The following ANKRD9 variants were observed in gnomAD, a reference collection of about 807,000 sequenced individuals.
ANKRD9 encodes the protein ankyrin repeat domain-containing protein 9.
ANKRD9 carries 13 observed loss-of-function variants against 19.2 expected under a neutral mutation model. The observed-to-expected ratio is 0.68, with a 90% CI of 0.44 to 1.08. The LOEUF is 1.08. Ranked by LOEUF, ANKRD9 falls within the 50% of genes least tolerant of loss-of-function variation. The pLI, the probability that ANKRD9 is intolerant of heterozygous loss-of-function variation, is 0.00. For missense variants in ANKRD9, 518 were observed against 499.9 expected (o/e 1.04, Z -0.34); for synonymous variants, 278 against 256.8 (o/e 1.08, Z -0.79).
In ANKRD9 at chr14:102,509,516, G is replaced by A. The variant is rs1375822498; in HGVS notation, c.-335+13C>T. On this transcript the variant is annotated intron_variant, in intron 1 of 3. Transcript: ENST00000286918. ...CGGCGGCCGCGGGCGCGGCGCGGGG[G>A]ACGGGGACTCACCATGGGGGGCGCG... 1 of 132,450 alleles carries A rather than the reference G, an allele frequency of 7.6e-6. No homozygotes were observed. Among genetic ancestry groups the A allele is most frequent in the Non-Finnish European group, 1.6e-5 (1 of 61,886 alleles). The allele number at this position is 132,450 out of a possible 1,614,324, so 8.2% of individuals were successfully genotyped here.
At position 102,504,120 on chromosome 14, in the gene ANKRD9, GCTCAGCCTTCACTATCCT is replaced by G. The variant is rs1891519634; in HGVS notation, c.*2798_*2815del. The G allele has an allele frequency of 6.6e-6, 1 of 152,254 alleles. No individual in the cohort carries two copies. The highest frequency in any genetic ancestry group is 1.5e-5 in the Non-Finnish European group (1 of 68,068). 9.4% of individuals were successfully genotyped at this position (152,254 alleles called of 1,614,324 possible). ...GCTGGCTTTTGATGAGCCCAGGAGG[GCTCAGCCTTCACTATCCT>G]CCCTAACAGGCATTTGGGGTGCAGA... On this transcript the variant is annotated 3_prime_UTR_variant, in exon 4 of 4. Transcript: ENST00000286918.
chr14:102,503,735 A>G lies in ANKRD9; in HGVS notation c.*3201T>C, dbSNP rs1039405976. On this transcript the variant is annotated 3_prime_UTR_variant, in exon 4 of 4. Coordinates refer to ENST00000286918, the MANE Select transcript of ANKRD9 (RefSeq NM_152326.4). Reference sequence around the variant, plus strand: ...GCAACACCACACACTGCAGAGGGGCAGGGCTCCTCCGGCAGTTACTCACTT... The same window carrying G: ...GCAACACCACACACTGCAGAGGGGCGGGGCTCCTCCGGCAGTTACTCACTT... 1.3e-5 allele frequency: 2 copies of G among 152,196 alleles called. No individual in the cohort carries two copies. The highest frequency in any genetic ancestry group is 4.8e-5 in the African/African-American group (2 of 41,430). 9.4% of individuals were successfully genotyped at this position (152,196 alleles called of 1,614,324 possible).
At position 102,506,520 on chromosome 14, in the gene ANKRD9, G is replaced by A. The variant is rs767729884; in HGVS notation, c.*416C>T. ...GTCCACAGGGTGCAAAAGGCTGACC[G>A]CACAGGACCTCCCGTGAGAACCCTA... is the stretch of plus-strand genomic sequence containing the variant. On this transcript the variant is annotated 3_prime_UTR_variant, in exon 4 of 4. Coordinates refer to ENST00000286918, the MANE Select transcript of ANKRD9 (RefSeq NM_152326.4). 1.8e-5 allele frequency: 3 copies of A among 164,466 alleles called. No homozygotes were observed. The highest frequency in any genetic ancestry group is 3.9e-5 in the Non-Finnish European group (3 of 76,636). 10.2% of individuals were successfully genotyped at this position (164,466 alleles called of 1,614,324 possible).
Position 102,506,911 on chromosome 14 carries a change from A to T in ANKRD9, c.*25T>A, listed in dbSNP as rs1354853372. The T allele has an allele frequency of 2.1e-6, 3 of 1,445,190 alleles. No individual in the cohort carries two copies. The highest frequency in any genetic ancestry group is 3.0e-5 in the African/African-American group (2 of 67,438). The allele number at this position is 1,445,190 out of a possible 1,614,324, so 89.5% of individuals were successfully genotyped here. On this transcript the variant is annotated 3_prime_UTR_variant, in exon 4 of 4. Transcript: ENST00000286918. ...CTCTGAAAAATAGTTTTGTCCCAAA[A>T]TCCAGCGCCTAGGGTGCTCCGGGCC...
chr14:102,505,856 C>G lies in ANKRD9; in HGVS notation c.*1080G>C, dbSNP rs888983476. On this transcript the variant is annotated 3_prime_UTR_variant, in exon 4 of 4. Coordinates refer to ENST00000286918, the MANE Select transcript of ANKRD9 (RefSeq NM_152326.4). ...GGTTCTTCCTCCTGCAGACCTTCAG[C>G]CCTCTGCTCCTGGCAGGACACTGTG... 2 of 152,358 alleles carry G rather than the reference C, an allele frequency of 1.3e-5. No homozygotes were observed. The highest frequency in any genetic ancestry group is 2.9e-5 in the Non-Finnish European group (2 of 68,108). The allele number at this position is 152,358 out of a possible 1,614,324, so 9.4% of individuals were successfully genotyped here.
chr14:102,509,194 C>T (rs1891710869), intron 1 of ANKRD9: 1 of 152,272 alleles, frequency 6.6e-6, no homozygotes, highest in African/African-American at 2.4e-5. Context: ...GCCTGGGCCT[C>T]CGGGCCCCAG....
rs773333445 is a variant in ANKRD9, at chr14:102,507,551, G to C, written c.339C>G (p.Pro113=). Residue 113 remains proline (P), a synonymous_variant, in exon 4 of 4, where the codon CCC becomes CCG. Coordinates refer to ENST00000286918, the MANE Select transcript of ANKRD9 (RefSeq NM_152326.4). This position sits in a 1 kb window ranked among gnomAD's most constrained non-coding sequence, Gnocchi z 9.2. ...PSAGFRCCAA[P]GPHVALAVRY... The stretch of plus-strand genomic sequence containing the variant: ...GCACTGCCAGCGCCACGTGCGGCCC[G>C]GGAGCCGCGCAGCAGCGGAAGCCGG... 8.9e-6 allele frequency: 12 copies of C among 1,343,420 alleles called. No individual in the cohort carries two copies. Among genetic ancestry groups the C allele is most frequent in the African/African-American group, 1.6e-5 (1 of 64,464 alleles). 83.2% of individuals were successfully genotyped at this position (1,343,420 alleles called of 1,614,324 possible).
In ANKRD9 at chr14:102,508,799, C is replaced by T. The variant is rs746108447; in HGVS notation, c.-287G>A. On this transcript the variant is annotated 5_prime_UTR_variant, in exon 2 of 4. In the 5' UTR this introduces an upstream ATG that the reference lacks. Transcript: ENST00000286918. The surrounding 1 kb of genome is among the most constrained non-coding windows in gnomAD (Gnocchi z 6.2). ...TGCCATCCCACTTTCCAGCAGGGCA[C>T]AAGCTTCTCCAATTCTCCAAGGTCA... The T allele has an allele frequency of 6.6e-6, 1 of 152,120 alleles. No individual in the cohort carries two copies. Among genetic ancestry groups the T allele is most frequent in the Non-Finnish European group, 1.5e-5 (1 of 68,060 alleles). The allele number at this position is 152,120 out of a possible 1,614,324, so 9.4% of individuals were successfully genotyped here.
chr14:102,505,357 G>C lies in ANKRD9; in HGVS notation c.*1579C>G, dbSNP rs1450637632. The C allele has an allele frequency of 6.6e-6, 1 of 152,148 alleles. No individual in the cohort carries two copies. Among genetic ancestry groups the C allele is most frequent in the Non-Finnish European group, 1.5e-5 (1 of 68,048 alleles). The allele number at this position is 152,148 out of a possible 1,614,324, so 9.4% of individuals were successfully genotyped here. On this transcript the variant is annotated 3_prime_UTR_variant, in exon 4 of 4. Coordinates refer to ENST00000286918, the MANE Select transcript of ANKRD9 (RefSeq NM_152326.4). ...CCTGATGCCCCAAGAATTGGGCTTG[G>C]AAAGATGTTAATATCCACTGCCCCA...
rs901575955 is a variant in ANKRD9, at chr14:102,509,306, G to A, written c.-335+223C>T. 3.6e-4 allele frequency: 55 copies of A among 152,198 alleles called. 2 individuals carry two copies. Among genetic ancestry groups the A allele is most frequent in the Non-Finnish European group, 5.9e-5 (4 of 68,062 alleles). The allele number at this position is 152,198 out of a possible 1,614,324, so 9.4% of individuals were successfully genotyped here. A position where few individuals can be genotyped will look rare whatever the true frequency, so the allele number is the denominator to read the frequency against. On this transcript the variant is annotated intron_variant, in intron 1 of 3. Transcript: ENST00000286918. ...TCACGGCCGCGGCTCGTGAATAAGG[G>A]GGTTGGGCCATCGAAGGCAGCGCCG...
Position 102,507,412 on chromosome 14 carries a change from C to T in ANKRD9, c.478G>A (p.Gly160Ser), listed in dbSNP as rs1891638928. 1 of 1,365,152 alleles carries T rather than the reference C, an allele frequency of 7.3e-7. No individual in the cohort carries two copies. The highest frequency in any genetic ancestry group is 1.6e-5 in the African/African-American group (1 of 64,002). The allele number at this position is 1,365,152 out of a possible 1,614,324, so 84.6% of individuals were successfully genotyped here. A position where few individuals can be genotyped will look rare whatever the true frequency, so the allele number is the denominator to read the frequency against. Residue 160 changes from glycine (G) to serine (S), a missense_variant, in exon 4 of 4, where the codon GGC becomes AGC. Transcript: ENST00000286918. This position sits in a 1 kb window ranked among gnomAD's most constrained non-coding sequence, Gnocchi z 9.2. The part of the protein sequence containing the change: ...RRGCSRVEGG[G>S]TSLHVACELA... ...TCACAGGCCACGTGCAGCGACGTGC[C>T]ACCGCCCTCCACGCGGCTGCAGCCA...
rs888042973 is a variant in ANKRD9 at position 102,506,740 on chromosome 14, A to G, written c.*196T>C. ...CACTCCCTTCAGGGGCTGGACAGCG[A>G]GCTGAAGGCCCGAGCCCAGCTGCAC... is the stretch of plus-strand genomic sequence containing the variant. On this transcript the variant is annotated 3_prime_UTR_variant, in exon 4 of 4. Transcript: ENST00000286918. 2.9e-6 allele frequency: 2 copies of G among 689,490 alleles called. No individual in the cohort carries two copies. Among genetic ancestry groups the G allele is most frequent in the Non-Finnish European group, 2.1e-6 (1 of 486,798 alleles). 42.7% of individuals were successfully genotyped at this position (689,490 alleles called of 1,614,324 possible). A position where few individuals can be genotyped will look rare whatever the true frequency, so the allele number is the denominator to read the frequency against.
At chr14:102,509,498 C>T (rs1464262417) in intron 1 of ANKRD9, 31 bp downstream of exon 1, 2 of 132,984 alleles carry the variant, frequency 1.5e-5, no homozygotes, top group African/African-American at 2.7e-5. Flanking sequence ...GGGCGGCGGC[C>T]GCGGGCGCGG....
Position 102,507,930 on chromosome 14 carries a change from C to A in ANKRD9, c.-41G>T. ...TTCCTGGGCCTCAAGGCATGGATCC[C>A]GCGAAGGCACACCTGCGGGGAAAGG... On this transcript the variant is annotated 5_prime_UTR_variant, in exon 4 of 4. Coordinates refer to ENST00000286918, the MANE Select transcript of ANKRD9 (RefSeq NM_152326.4). This position sits in a 1 kb window ranked among gnomAD's most constrained non-coding sequence, Gnocchi z 9.2. The A allele has an allele frequency of 9.1e-7, 1 of 1,098,864 alleles. No homozygotes were observed. The highest frequency in any genetic ancestry group is 1.1e-6 in the Non-Finnish European group (1 of 893,034). The allele number at this position is 1,098,864 out of a possible 1,614,324, so 68.1% of individuals were successfully genotyped here. A position where few individuals can be genotyped will look rare whatever the true frequency, so the allele number is the denominator to read the frequency against.
chr14:102,507,546 G>C lies in ANKRD9; in HGVS notation c.344C>G (p.Pro115Arg). ...GTAGCGCACTGCCAGCGCCACGTGC[G>C]GCCCGGGAGCCGCGCAGCAGCGGAA... ...AGFRCCAAPG[P>R]HVALAVRYNR... is the part of the protein sequence containing the mutation. Residue 115 changes from proline (P) to arginine (R), a missense_variant, in exon 4 of 4, where the codon CCG (proline) becomes CGG (arginine). By Grantham distance (103) the Pro-to-Arg change is moderately radical. Transcript: ENST00000286918. This position sits in a 1 kb window ranked among gnomAD's most constrained non-coding sequence, Gnocchi z 9.2. 1 of 1,339,426 alleles carries C rather than the reference G, an allele frequency of 7.5e-7. No homozygotes were observed. The highest frequency in any genetic ancestry group is 9.6e-7 in the Non-Finnish European group (1 of 1,045,590). The allele number at this position is 1,339,426 out of a possible 1,614,324, so 83.0% of individuals were successfully genotyped here.
rs749027999 is a variant in ANKRD9, at chr14:102,507,720, T to G, written c.170A>C (p.Glu57Ala). The G allele has an allele frequency of 6.6e-7, 1 of 1,510,732 alleles. No homozygotes were observed. Among genetic ancestry groups the G allele is most frequent in the African/African-American group, 1.4e-5 (1 of 71,024 alleles). 93.6% of individuals were successfully genotyped at this position (1,510,732 alleles called of 1,614,324 possible). The change falls in exon 4 of 4, where the codon GAG becomes GCG. Residue 57 changes from glutamate (E) to alanine (A), a missense_variant. By Grantham distance (107) the Glu-to-Ala change is moderately radical. Coordinates refer to ENST00000286918, the MANE Select transcript of ANKRD9 (RefSeq NM_152326.4). This position sits in a 1 kb window ranked among gnomAD's most constrained non-coding sequence, Gnocchi z 9.2. ...VWLLEDMRAS[E>A]AFHWDERGRA... ...CCCGCGCTCGTCCCAGTGGAAGGCC[T>G]CGCTGGCGCGCATATCCTCCAGCAG...
Position 102,505,996 on chromosome 14 carries a change from C to T in ANKRD9, c.*940G>A, listed in dbSNP as rs1215489713. The T allele has an allele frequency of 6.6e-6, 1 of 152,156 alleles. No individual in the cohort carries two copies. The allele number at this position is 152,156 out of a possible 1,614,324, so 9.4% of individuals were successfully genotyped here. ...GCTCTGAGAGCGGAGACCCAGCCTC[C>T]CAGCCTGGAGTTGTGGTGAATTCGC... is the stretch of plus-strand genomic sequence containing the variant. On this transcript the variant is annotated 3_prime_UTR_variant, in exon 4 of 4. Transcript: ENST00000286918.
In ANKRD9 at chr14:102,506,871, A is replaced by C; in HGVS notation, c.*65T>G. ...GCCGTACAGAGATCAATATATATAA[A>C]GTGCCGGTACAACGCTCTGAAAAAT... On this transcript the variant is annotated 3_prime_UTR_variant, in exon 4 of 4. Transcript: ENST00000286918. The C allele has an allele frequency of 7.2e-7, 1 of 1,387,996 alleles. No homozygotes were observed. Among genetic ancestry groups the C allele is most frequent in the South Asian group, 1.7e-5 (1 of 57,946 alleles). 86.0% of individuals were successfully genotyped at this position (1,387,996 alleles called of 1,614,324 possible).
Position 102,503,942 on chromosome 14 carries a change from A to G in ANKRD9, c.*2994T>C, listed in dbSNP as rs1230942218. On this transcript the variant is annotated 3_prime_UTR_variant, in exon 4 of 4. Transcript: ENST00000286918. ...CAGAAGGGGAAGTCACAGTAGGAAA[A>G]TCAAGGTACTATCAGGATGAAGTCA... The G allele has an allele frequency of 6.6e-6, 1 of 152,254 alleles. No homozygotes were observed. The highest frequency in any genetic ancestry group is 2.4e-5 in the African/African-American group (1 of 41,450). The allele number at this position is 152,254 out of a possible 1,614,324, so 9.4% of individuals were successfully genotyped here. A position where few individuals can be genotyped will look rare whatever the true frequency, so the allele number is the denominator to read the frequency against.
Sources: allele counts gnomAD v4.1 joint callset, GRCh38; gene constraint gnomAD v4.1.1; non-coding constraint Gnocchi (gnomAD v3.1); transcripts MANE v1.5; gene names NCBI Gene and HGNC (gene_info 2026-07-23, HGNC 2026-07-21).